ADK: variants seen among roughly 807,000 people sequenced by gnomAD.
ADK encodes adenosine kinase.
A neutral mutation model predicts 44.7 loss-of-function variants in ADK; 24 were observed. The ratio of observed to expected loss-of-function variants is 0.54; its 90% CI spans 0.39 to 0.76. The LOEUF (loss-of-function observed/expected upper bound fraction) is 0.76, where lower values mean the gene tolerates loss of function less well. ADK is among the 30% of genes least tolerant of loss of function. ADK has a pLI of 0.00. For missense variants in ADK, 321 were observed against 425.1 expected (o/e 0.76, Z 2.15); for synonymous variants, 128 against 142.6 (o/e 0.90, Z 0.73).
intron 7 of ADK, among the ~76,000 whole-genome samples, chr10:74,536,518 T>A (rs1338438944): frequency 6.6e-6 from 1 of 151,976 alleles, no homozygotes; most frequent in Non-Finnish European, 1.5e-5. Context: ...TAGACCATTT[T>A]AACTATTTTT....
intron 9 of ADK, among the ~76,000 whole-genome samples, chr10:74,633,175 T>A (rs1853500929): frequency 6.6e-6 from 1 of 152,232 alleles, no homozygotes; most frequent in South Asian, 2.1e-4. Context: ...ATGAAATTCC[T>A]CCTTCTAGAT....
At chr10:74,361,784 G>C (rs554233033) in intron 4 of ADK, among the ~76,000 whole-genome samples, 1 of 152,310 alleles carries the variant, frequency 6.6e-6, no homozygotes, top group East Asian at 1.9e-4. Context: ...GTTTGTCTAA[G>C]AAAGTCTTTA....
Position 74,424,933 on chromosome 10 carries a change from A to G in ADK, c.555+26354A>G, listed in dbSNP as rs116318619. Among the ~76,000 whole-genome samples the G allele has an allele frequency of 8.8e-3, 1,340 of 152,262 alleles. 17 individuals carry two copies. The highest frequency in any genetic ancestry group is 0.031 in the African/African-American group (1,275 of 41,534). ...ATACAATCCTCTTGTTTATTTAAAT[A>G]TATTAAACTTATTTTCTATTTTGTG... On this transcript the variant is annotated intron_variant, in intron 6 of 10. Transcript: ENST00000539909.
At chr10:74,604,226 A>C (rs532111150) in intron 9 of ADK, among the ~76,000 whole-genome samples, 52 of 151,974 alleles carry the variant, frequency 3.4e-4, no homozygotes, top group Non-Finnish European at 6.0e-4. Context: ...TGATAGTTTC[A>C]TTTGCTGTGC....
At chr10:74,545,256 G>T (rs1337787015) in intron 7 of ADK, among the ~76,000 whole-genome samples, 3 of 152,162 alleles carry the variant, frequency 2.0e-5, no homozygotes, top group Admixed American at 1.3e-4. Flanking sequence ...TACATAGTCA[G>T]TTACTGATCA....
rs78683887 is a variant in ADK, at chr10:74,620,779, C to T, written c.877+20286C>T. 6.6e-5 allele frequency among the ~76,000 whole-genome samples: 10 copies of T among 151,906 alleles called. No individual in the cohort carries two copies. The East Asian group carries it at 1.9e-3, about 29-fold the overall frequency. The stretch of plus-strand genomic sequence containing the variant: ...CCTCACTGGTTTTGATTTGCATTTT[C>T]CTGATGATTAGTGATAATGAGCTTT... On this transcript the variant is annotated intron_variant, in intron 9 of 10. Coordinates refer to ENST00000539909, the MANE Select transcript of ADK (RefSeq NM_006721.4).
In ADK at chr10:74,398,465, T is replaced by G. The variant is rs1439576184; in HGVS notation, c.447-6T>G. On this transcript the variant is annotated splice_region_variant and splice_polypyrimidine_tract_variant and intron_variant, in intron 5 of 10. Transcript: ENST00000539909. ...ATATTACTTGCTTATTCTTTGGTTG[T>G]TTTAGGTCCCTCATAGCTAATCTTG... 2 of 1,591,016 alleles carry G rather than the reference T, an allele frequency of 1.3e-6. No individual in the cohort carries two copies. Among genetic ancestry groups the G allele is most frequent in the Non-Finnish European group, 1.7e-6 (2 of 1,159,960 alleles).
intron 7 of ADK, among the ~76,000 whole-genome samples, chr10:74,578,111 TA>T (rs11361618): frequency 0.35 from 52,500 of 151,820 alleles, 12,682 homozygotes; most frequent in African/African-American, 0.65. Context: ...GGAAAATATA[TA>T]AAAGGACATT....
intron 10 of ADK, among the ~76,000 whole-genome samples, chr10:74,676,681 A>G (rs925593185): frequency 2.0e-5 from 3 of 151,596 alleles, no homozygotes; most frequent in Non-Finnish European, 4.4e-5. Context: ...CTGGTCTTAA[A>G]CTCTTGGCCT....
At chr10:74,204,071 C>T (rs1230708573) in intron 2 of ADK, among the ~76,000 whole-genome samples, 3 of 151,152 alleles carry the variant, frequency 2.0e-5, no homozygotes, top group Non-Finnish European at 4.4e-5. Context: ...ATTCTACTGC[C>T]TCAGCCTCCT....
chr10:74,151,483 C>T (rs975799284), intron 1 of ADK, 140 bp downstream of exon 1: 56 of 899,628 alleles, frequency 6.2e-5, no homozygotes, highest in African/African-American at 5.6e-4. Context: ...CCCCAGCTGC[C>T]CGCTTGGCCG....
chr10:74,613,201 T>G (rs1353960021), intron 9 of ADK, among the ~76,000 whole-genome samples: 2 of 152,078 alleles, frequency 1.3e-5, no homozygotes, highest in Non-Finnish European at 2.9e-5. Flanking sequence ...TGTTTGAGAA[T>G]GCGGGCAGTA....
At chr10:74,480,108 G>T (rs1417892808) in intron 6 of ADK, among the ~76,000 whole-genome samples, 2 of 151,844 alleles carry the variant, frequency 1.3e-5, no homozygotes, top group Non-Finnish European at 2.9e-5. Context: ...CACAAAGACA[G>T]CTTGGCTGCA....
chr10:74,262,084 C>G (rs547484186), intron 3 of ADK, among the ~76,000 whole-genome samples: 1 of 152,152 alleles, frequency 6.6e-6, no homozygotes, highest in African/African-American at 2.4e-5. Flanking sequence ...TTTGGGAGGC[C>G]GAGGTGTGTG....
chr10:74,599,758 T>C (rs998487664), intron 8 of ADK, among the ~76,000 whole-genome samples: 4 of 152,212 alleles, frequency 2.6e-5, no homozygotes, highest in African/African-American at 9.6e-5. Flanking sequence ...AATTAGTTTG[T>C]CATTTTTTAA....
chr10:74,461,754 G>C (rs1846178668), intron 6 of ADK, among the ~76,000 whole-genome samples: 1 of 151,974 alleles, frequency 6.6e-6, no homozygotes, highest in Admixed American at 6.6e-5. Flanking sequence ...AGTAAACATA[G>C]AAAAACATTT....
chr10:74,176,566 G>A, intron 1 of ADK: 3 of 1,349,026 alleles, frequency 2.2e-6, no homozygotes, highest in Non-Finnish European at 2.9e-6. Flanking sequence ...TAGGACTCAA[G>A]ATGGCCACCG....
chr10:74,514,946 C>A (rs1848503973), intron 6 of ADK, among the ~76,000 whole-genome samples: 1 of 152,010 alleles, frequency 6.6e-6, no homozygotes. Flanking sequence ...CACCTCAACT[C>A]CCCAAGTAGC....
At chr10:74,654,791 G>C (rs1368348232) in intron 9 of ADK, among the ~76,000 whole-genome samples, 1 of 151,042 alleles carries the variant, frequency 6.6e-6, no homozygotes, top group Non-Finnish European at 1.5e-5. Context: ...ACTCCAGCCT[G>C]GGTGACAAGA....
Sources: gnomAD v4.1 joint callset for allele counts (sites outside exome capture counted in the v4.1 genomes callset) on GRCh38, gnomAD v4.1.1 for gene constraint, MANE v1.5 for transcripts, NCBI Gene and HGNC (gene_info 2026-07-23, HGNC 2026-07-21) for gene names.